CPN1: variants seen among roughly 807,000 people sequenced by gnomAD.
CPN1 encodes the protein carboxypeptidase N subunit 1.
CPN1 carries 37 observed loss-of-function variants against 46.4 expected under a neutral mutation model. The observed-to-expected ratio is 0.80, with a 90% CI of 0.61 to 1.05. The LOEUF (loss-of-function observed/expected upper bound fraction) is 1.05. Among genes scored for constraint, CPN1 ranks in the 50% least tolerant of loss-of-function variants. The probability of loss-of-function intolerance (pLI) is 0.00; values close to 1 mark genes in which losing one functional copy is unlikely to be tolerated. For missense variants in CPN1, 563 were observed against 602.6 expected, an observed-to-expected ratio of 0.93 and a Z score of 0.69; for synonymous variants, 224 against 235.4, an observed-to-expected ratio of 0.95 and a Z score of 0.44.
At chr10:100,069,177 C>A (rs1256589453) in intron 3 of CPN1, among the ~76,000 whole-genome samples, 1 of 152,184 alleles carries the variant, frequency 6.6e-6, no homozygotes, top group Non-Finnish European at 1.5e-5. Context: ...TCCTTCACCA[C>A]AATCACCACT....
At chr10:100,063,113 TTTTTTG>T (rs982158753) in intron 5 of CPN1, among the ~76,000 whole-genome samples, 4 of 151,984 alleles carry the variant, frequency 2.6e-5, no homozygotes, top group Non-Finnish European at 5.9e-5. Context: ...ACTTTAGTTA[TTTTTTG>T]TTTTTGTTTT....
In CPN1 at chr10:100,081,563, C is replaced by T. The variant is rs781573757; in HGVS notation, c.63G>A (p.Val21=). ...CATCATAGCGGTGGTGGCGAAAGGT[C>T]ACCGGGGCAACCAACTTGAAGAGAA... The part of the protein sequence containing the change: ...LLLLFKLVAP[V]TFRHHRYDDL... Residue 21 remains valine, a synonymous_variant, in exon 1 of 9, where the codon GTG becomes GTA. Transcript: ENST00000370418. 3 of 1,614,126 alleles carry T rather than the reference C, an allele frequency of 1.9e-6. No homozygotes were observed. Among genetic ancestry groups the T allele is most frequent in the Non-Finnish European group, 2.5e-6 (3 of 1,180,012 alleles).
chr10:100,081,340 A>T, intron 1 of CPN1, 63 bp downstream of exon 1: 1 of 1,455,178 alleles, frequency 6.9e-7, no homozygotes, highest in Non-Finnish European at 9.5e-7. Context: ...AACCACTCCA[A>T]TTACTGGATT....
rs112127162 is a variant in CPN1 at position 100,056,955 on chromosome 10, T to C, written c.1011+58A>G. 78 of 1,611,594 alleles carry C rather than the reference T, an allele frequency of 4.8e-5. 3 individuals carry two copies. Among genetic ancestry groups the C allele is most frequent in the African/African-American group, 4.5e-4 (34 of 74,980 alleles). On this transcript the variant is annotated intron_variant, in intron 6 of 8. Transcript: ENST00000370418. The stretch of plus-strand genomic sequence containing the variant: ...ACCTGAACCAGTGAAACACCTTGCC[T>C]GCCATTGAGAAGCACTTCTCTTTTT...
intron 3 of CPN1, among the ~76,000 whole-genome samples, chr10:100,066,262 G>C (rs909728237): frequency 6.6e-6 from 1 of 152,166 alleles, no homozygotes; most frequent in African/African-American, 2.4e-5. Context: ...AAAAAGAGAA[G>C]TTCTGTATGA....
At chr10:100,043,278 C>G (rs1485818972) in intron 8 of CPN1, among the ~76,000 whole-genome samples, 3 of 151,500 alleles carry the variant, frequency 2.0e-5, no homozygotes, top group African/African-American at 7.3e-5. Context: ...GCCTATAGTT[C>G]CAGCTACTCG....
intron 2 of CPN1, among the ~76,000 whole-genome samples, chr10:100,072,151 C>A (rs1034483224): frequency 1.3e-5 from 2 of 152,012 alleles, no homozygotes; most frequent in African/African-American, 4.8e-5. Context: ...TAAGCTAAGT[C>A]CATGTTTAAC....
chr10:100,069,265 C>T lies in CPN1; in HGVS notation c.576+449G>A, dbSNP rs1047691942. On this transcript the variant is annotated intron_variant, in intron 3 of 8. Transcript: ENST00000370418. ...TTGGGAGGCTGAGGCAGGCAGATCA[C>T]GAAGTCAGGAGTTTGAGACCAGCCT... is the stretch of plus-strand genomic sequence containing the variant. Among the ~76,000 whole-genome samples, 8 of 152,126 alleles carry T rather than the reference C, an allele frequency of 5.3e-5. No individual in the cohort carries two copies. In the South Asian group the frequency reaches 8.3e-4, roughly 16 times the overall value.
intron 4 of CPN1, among the ~76,000 whole-genome samples, 183 bp downstream of exon 4, chr10:100,065,005 T>A (rs1286650014): frequency 6.6e-6 from 1 of 152,246 alleles, no homozygotes; most frequent in East Asian, 1.9e-4. Context: ...TACTTTGTTA[T>A]GAATCTATGG....
chr10:100,057,107 G>A lies in CPN1; in HGVS notation c.917C>T (p.Thr306Met), dbSNP rs908037906. ...AAACTTGTCGCAACTCAGTTCCAGC[G>A]TGATCTCAAAGCAGTTGGTATGGAG... ...NYLHTNCFEI[T>M]LELSCDKFPP... is the part of the protein sequence containing the mutation. Residue 306 changes from threonine (T) to methionine (M), a missense_variant, in exon 6 of 9, where the codon ACG becomes ATG. Physicochemically the swap from Thr to Met is moderately conservative, Grantham distance 81. Transcript: ENST00000370418. The A allele has an allele frequency of 6.8e-6, 11 of 1,614,042 alleles. No individual in the cohort carries two copies. In the Admixed American group the frequency reaches 1.0e-4, roughly 15 times the overall value.
intron 2 of CPN1, among the ~76,000 whole-genome samples, chr10:100,074,717 G>A (rs1383926940): frequency 2.6e-5 from 4 of 151,938 alleles, no homozygotes; most frequent in South Asian, 2.1e-4. Context: ...ACGCCCGGCC[G>A]AAAACCCTGC....
At position 100,060,390 on chromosome 10, in the gene CPN1, C is replaced by T. The variant is rs1170422744; in HGVS notation, c.871+3224G>A. On this transcript the variant is annotated intron_variant, in intron 5 of 8. Coordinates refer to ENST00000370418, the MANE Select transcript of CPN1 (RefSeq NM_001308.3). ...CAGCCTGACCAACATGGTGAAACCC[C>T]GTCCCTACTAAAAATACAAAAATTA... Among the ~76,000 whole-genome samples, 9 of 152,010 alleles carry T rather than the reference C, an allele frequency of 5.9e-5. No individual in the cohort carries two copies. The East Asian group carries it at 1.5e-3, about 26-fold the overall frequency.
chr10:100,069,410 G>A (rs1028576876), intron 3 of CPN1, among the ~76,000 whole-genome samples: 5 of 151,948 alleles, frequency 3.3e-5, no homozygotes, highest in African/African-American at 1.2e-4. Context: ...GGACCTGGGA[G>A]GCGAAGGCTG....
At chr10:100,063,214 G>A (rs534927921) in intron 5 of CPN1, among the ~76,000 whole-genome samples, 4 of 152,142 alleles carry the variant, frequency 2.6e-5, no homozygotes, top group African/African-American at 4.8e-5. Context: ...TCTGCCTCCC[G>A]GGTTCATGCC....
intron 5 of CPN1, among the ~76,000 whole-genome samples, chr10:100,060,301 C>G (rs925256549): frequency 3.3e-5 from 5 of 152,158 alleles, no homozygotes; most frequent in African/African-American, 1.2e-4. Context: ...GTGGCTCATG[C>G]CTGTAATCCC....
Position 100,069,775 on chromosome 10 carries a change from T to C in CPN1, c.515A>G (p.Tyr172Cys). 6.2e-7 allele frequency: 1 copy of C among 1,613,930 alleles called. No individual in the cohort carries two copies. The highest frequency in any genetic ancestry group is 1.1e-5 in the South Asian group (1 of 91,064). ...GTTGGGGCCTCCGTACTTCTCGTTA[T>C]AGTAGATATAGGTATTGAGATCAGG... Reference protein sequence around the residue: ...NFPDLNTYIYYNEKYGGPNHH... With the variant: ...NFPDLNTYIYCNEKYGGPNHH... The change falls in exon 3 of 9, where the codon TAT becomes TGT. Residue 172 changes from tyrosine (Y) to cysteine (C), a missense_variant. By Grantham distance (194) the Tyr-to-Cys change is radical (BLOSUM62 -2). Transcript: ENST00000370418.
At chr10:100,051,311 A>C (rs1441087117) in intron 7 of CPN1, among the ~76,000 whole-genome samples, 1 of 152,146 alleles carries the variant, frequency 6.6e-6, no homozygotes. Context: ...AGCAAAGTAC[A>C]TGTGTTGGAT....
chr10:100,052,332 A>G (rs2041360112), intron 7 of CPN1, among the ~76,000 whole-genome samples: 1 of 151,794 alleles, frequency 6.6e-6, no homozygotes, highest in Non-Finnish European at 1.5e-5. Flanking sequence ...CGGCCTCCCA[A>G]AGTGCTGGGA....
intron 1 of CPN1, among the ~76,000 whole-genome samples, chr10:100,079,705 G>T (rs746748002): frequency 6.6e-6 from 1 of 152,230 alleles, no homozygotes; most frequent in Non-Finnish European, 1.5e-5. Context: ...GGCTTTTAAA[G>T]TAGGAAAGTG....
Sources: allele counts gnomAD v4.1 joint callset (sites outside exome capture counted in the v4.1 genomes callset), GRCh38; gene constraint gnomAD v4.1.1; transcripts MANE v1.5; gene names NCBI Gene and HGNC (gene_info 2026-07-23, HGNC 2026-07-21).